MIS18A: variants seen among roughly 807,000 people sequenced by gnomAD.
MIS18A encodes protein Mis18-alpha.
A neutral mutation model predicts 25.0 loss-of-function variants in MIS18A; 14 were observed. The observed-to-expected ratio is 0.56, with a 90% CI of 0.37 to 0.88. The LOEUF is 0.88. Among genes scored for constraint, MIS18A ranks in the 40% least tolerant of loss-of-function variants. MIS18A has a pLI of 0.00. For synonymous variants in MIS18A, 134 were observed against 118.6 expected, an observed-to-expected ratio of 1.13 and a Z score of -0.84; for missense variants, 292 against 290.8, an observed-to-expected ratio of 1.00 and a Z score of -0.03.
chr21:32,259,328 G>C, the MIS18A span, among the ~76,000 whole-genome samples: 8 of 152,204 alleles, frequency 5.3e-5, no homozygotes, highest in African/African-American at 1.7e-4. Context: ...TGGCCTCCCA[G>C]GGGTTACAAT....
chr21:32,265,307 C>T (rs888296600), downstream of MIS18A, among the ~76,000 whole-genome samples: 6 of 152,208 alleles, frequency 3.9e-5, no homozygotes, highest in Admixed American at 6.5e-5. Flanking sequence ...AGCCCACTCC[C>T]GCAGCTTGCA....
chr21:32,253,221 G>A, the MIS18A span, among the ~76,000 whole-genome samples: 3 of 152,132 alleles, frequency 2.0e-5, no homozygotes, highest in Non-Finnish European at 4.4e-5. Flanking sequence ...GGGGAGGGAA[G>A]GAAGGCTCTA....
chr21:32,186,474 A>G, the MIS18A span, among the ~76,000 whole-genome samples: 2 of 152,244 alleles, frequency 1.3e-5, no homozygotes, highest in African/African-American at 2.4e-5. Context: ...TGTTAGCTCA[A>G]CTTAGTTAAC....
the MIS18A span, among the ~76,000 whole-genome samples, chr21:32,205,255 C>T: frequency 1.2e-4 from 18 of 151,992 alleles, no homozygotes; most frequent in East Asian, 3.3e-3. Context: ...CAGGCGCCTG[C>T]CACCACGCCC....
the MIS18A span, among the ~76,000 whole-genome samples, chr21:32,219,970 C>T: frequency 2.0e-5 from 3 of 152,182 alleles, no homozygotes; most frequent in South Asian, 2.1e-4. Context: ...AAGGTAGCAG[C>T]CCCAGTCAGG....
the MIS18A span, among the ~76,000 whole-genome samples, chr21:32,204,237 G>T: frequency 1.3e-5 from 2 of 152,138 alleles, no homozygotes; most frequent in African/African-American, 4.8e-5. Flanking sequence ...AGTGGCTCAC[G>T]CCTGCAATCC....
At chr21:32,278,638 A>G in intron 1 of MIS18A, 43 bp downstream of exon 1, 2 of 1,458,878 alleles carry the variant, frequency 1.4e-6, no homozygotes, top group Non-Finnish European at 1.8e-6. Flanking sequence ...CCCCTGGAAG[A>G]AGGCGACCCC....
At chr21:32,233,218 CT>C in the MIS18A span, among the ~76,000 whole-genome samples, 2 of 152,188 alleles carry the variant, frequency 1.3e-5, no homozygotes, top group African/African-American at 4.8e-5. Context: ...CACCACAGCT[CT>C]TTGCTATGTA....
chr21:32,165,583 A>T, the MIS18A span, among the ~76,000 whole-genome samples: 5 of 151,706 alleles, frequency 3.3e-5, no homozygotes, highest in Admixed American at 2.6e-4. Context: ...GTTCTTCATG[A>T]ACACCAGCTA....
At chr21:32,218,783 T>C in the MIS18A span, among the ~76,000 whole-genome samples, 1 of 152,124 alleles carries the variant, frequency 6.6e-6, no homozygotes, top group African/African-American at 2.4e-5. Flanking sequence ...TACAGAAAAC[T>C]AATATCGAAA....
rs1027816482 is a variant in MIS18A, at chr21:32,272,978, T to G, written c.401+1852A>C. Among the ~76,000 whole-genome samples the G allele has an allele frequency of 2.6e-5, 4 of 152,182 alleles. No homozygotes were observed. The South Asian group carries it at 8.3e-4, about 32-fold the overall frequency. ...TCTAGCCTCCCTGGGCCTAACTTTC[T>G]TCAACTACCAAATGAGAAATGATCT... On this transcript the variant is annotated intron_variant, in intron 2 of 4. Transcript: ENST00000290130.
chr21:32,278,590 G>A lies in MIS18A; in HGVS notation c.334+91C>T, dbSNP rs915286723. ...TCTTAAAGTCCCTGGGCAGCCCCAAGGAGCCCCCGCCTCCTCCCGGGCCGC... is the reference window on the plus strand; with the variant it reads ...TCTTAAAGTCCCTGGGCAGCCCCAAAGAGCCCCCGCCTCCTCCCGGGCCGC... On this transcript the variant is annotated intron_variant, in intron 1 of 4. Transcript: ENST00000290130. The A allele has an allele frequency of 3.0e-6, 4 of 1,323,478 alleles. No individual in the cohort carries two copies. In the African/African-American group the frequency reaches 6.0e-5, roughly 20 times the overall value. 82.0% of individuals were successfully genotyped at this position (1,323,478 alleles called of 1,614,324 possible).
At chr21:32,193,695 T>G in the MIS18A span, among the ~76,000 whole-genome samples, 3 of 152,184 alleles carry the variant, frequency 2.0e-5, no homozygotes, top group Non-Finnish European at 1.5e-5. Context: ...TCCACTACTG[T>G]CAACTATAAT....
chr21:32,159,302 T>A, the MIS18A span, among the ~76,000 whole-genome samples: 1 of 152,216 alleles, frequency 6.6e-6, no homozygotes, highest in Non-Finnish European at 1.5e-5. Context: ...TGAGAGCCAA[T>A]ATTTAAAGTT....
chr21:32,269,801 T>C lies in MIS18A; in HGVS notation c.527A>G (p.Tyr176Cys). Residue 176 changes from tyrosine (Y) to cysteine (C), a missense_variant and splice_region_variant, in exon 4 of 5, where the codon TAT becomes TGT. Tyr to Cys is a radical substitution (Grantham distance 194, BLOSUM62 -2). Coordinates refer to ENST00000290130, the MANE Select transcript of MIS18A (RefSeq NM_018944.3). ...FCLSVEAIES[Y>C]VLGSSEKQIV... ...TTGCTTTTCAGAGGACCCTAAAACA[T>C]AACTGAAGTACGGTACAAGGTTAAA... The C allele has an allele frequency of 6.3e-7, 1 of 1,575,246 alleles. No individual in the cohort carries two copies. The highest frequency in any genetic ancestry group is 8.7e-7 in the Non-Finnish European group (1 of 1,144,664).
At chr21:32,165,737 C>T in the MIS18A span, among the ~76,000 whole-genome samples, 1 of 152,094 alleles carries the variant, frequency 6.6e-6, no homozygotes, top group Non-Finnish European at 1.5e-5. Context: ...CCAAATCTGA[C>T]ACGTTTGAAT....
Position 32,269,021 on chromosome 21 carries a change from G to A in MIS18A, c.*16C>T. On this transcript the variant is annotated 3_prime_UTR_variant, in exon 5 of 5. Coordinates refer to ENST00000290130, the MANE Select transcript of MIS18A (RefSeq NM_018944.3). ...GGAGGAAGGGCGGGGGCAGAATGGA[G>A]GACACAGACTAGAGTTCAGCTTTTA... The A allele has an allele frequency of 1.3e-6, 2 of 1,566,794 alleles. No individual in the cohort carries two copies. Among genetic ancestry groups the A allele is most frequent in the Non-Finnish European group, 1.7e-6 (2 of 1,146,732 alleles).
At chr21:32,160,664 A>G in the MIS18A span, among the ~76,000 whole-genome samples, 38,705 of 149,746 alleles carry the variant, frequency 0.26, 6,942 homozygotes, top group African/African-American at 0.52. Context: ...TTTTTTTTTT[A>G]AGACAGAGTT....
downstream of MIS18A, among the ~76,000 whole-genome samples, chr21:32,265,148 C>G (rs952769976): frequency 1.3e-5 from 2 of 152,192 alleles, no homozygotes; most frequent in African/African-American, 4.8e-5. Flanking sequence ...CCGCCTCCTG[C>G]TGAGAGGTGA....
Sources: gnomAD v4.1 joint callset for allele counts (sites outside exome capture counted in the v4.1 genomes callset) on GRCh38, gnomAD v4.1.1 for gene constraint, MANE v1.5 for transcripts, NCBI Gene and HGNC (gene_info 2026-07-23, HGNC 2026-07-21) for gene names.